Variants in FYB2 observed in about 807,000 individuals in gnomAD.
FYB2 encodes FYN-binding protein 2.
Under a neutral mutation model 94.1 loss-of-function variants are expected in FYB2, and 103 were observed. The observed-to-expected ratio is 1.09, with a 90% CI of 0.93 to 1.29. The LOEUF is 1.29. Ranked by LOEUF, FYB2 falls within the 50% of genes most tolerant of loss-of-function variation. FYB2 has a pLI of 0.00. For missense variants in FYB2, 896 were observed against 841.5 expected (o/e 1.06, Z -0.80); for synonymous variants, 293 against 287.9 (o/e 1.02, Z -0.18).
intron 6 of FYB2, among the ~76,000 whole-genome samples, chr1:56,758,185 T>A (rs1156711454): frequency 6.6e-6 from 1 of 152,000 alleles, no homozygotes; most frequent in Non-Finnish European, 1.5e-5. Context: ...CTTATTTTCA[T>A]TCTCACAAGG....
At chr1:56,793,535 T>C (rs1326512013) in intron 1 of FYB2, among the ~76,000 whole-genome samples, 8 of 151,952 alleles carry the variant, frequency 5.3e-5, no homozygotes, top group South Asian at 2.1e-4. Flanking sequence ...TGAGTACACA[T>C]GGACATAAAG....
rs968504193 is a variant in FYB2 at position 56,788,160 on chromosome 1, A to G, written c.919+813T>C. Among the ~76,000 whole-genome samples the G allele has an allele frequency of 4.6e-5, 7 of 152,202 alleles. No homozygotes were observed. The South Asian group carries it at 1.4e-3, about 32-fold the overall frequency. On this transcript the variant is annotated intron_variant, in intron 3 of 19. Coordinates refer to ENST00000343433, the MANE Select transcript of FYB2 (RefSeq NM_001004303.5). The stretch of plus-strand genomic sequence containing the variant: ...AAAGTCCTCTAGGTGATTCTGATGT[A>G]CACTCAAGTTTGAGAATCATGAAGT...
chr1:56,726,770 C>A (rs565602103), intron 15 of FYB2, among the ~76,000 whole-genome samples, 187 bp from the exon 16 acceptor site: 1 of 152,056 alleles, frequency 6.6e-6, no homozygotes, highest in Non-Finnish European at 1.5e-5. Context: ...ATCTCTATGG[C>A]AGCTCTTCAA....
intron 9 of FYB2, among the ~76,000 whole-genome samples, chr1:56,750,254 C>T (rs1645164201): frequency 6.6e-6 from 1 of 151,992 alleles, no homozygotes; most frequent in Non-Finnish European, 1.5e-5. Flanking sequence ...TATGCATTGA[C>T]AAATAGCCTT....
In FYB2 at chr1:56,746,222, G is replaced by A. The variant is rs117352325; in HGVS notation, c.1388-1956C>T. On this transcript the variant is annotated intron_variant, in intron 9 of 19. Transcript: ENST00000343433. ...ATACACCCCCATTTCCTAGAACAGTGCTGGGCACATAAAAAGTACTTAATA... is the reference window on the plus strand; with the variant it reads ...ATACACCCCCATTTCCTAGAACAGTACTGGGCACATAAAAAGTACTTAATA... 1.7e-4 allele frequency among the ~76,000 whole-genome samples: 26 copies of A among 152,094 alleles called. 1 individual carries two copies. The East Asian group carries it at 5.0e-3, about 29-fold the overall frequency.
intron 15 of FYB2, among the ~76,000 whole-genome samples, chr1:56,728,943 T>G (rs1416346383): frequency 6.6e-6 from 1 of 152,166 alleles, no homozygotes; most frequent in African/African-American, 2.4e-5. Flanking sequence ...AAATATTTGT[T>G]GAATGAATTG....
chr1:56,809,841 C>A lies in FYB2; in HGVS notation c.9+9441G>T, dbSNP rs141475345. On this transcript the variant is annotated intron_variant, in intron 1 of 19. Coordinates refer to ENST00000343433, the MANE Select transcript of FYB2 (RefSeq NM_001004303.5). The stretch of plus-strand genomic sequence containing the variant: ...CCTCTCCGAATTCTGACTCTTTCAC[C>A]TTTACAAAGCTATTTCACTTCTCTC... Among the ~76,000 whole-genome samples the A allele has an allele frequency of 9.4e-3, 1,428 of 152,280 alleles. 13 individuals are homozygous for A. Among genetic ancestry groups the A allele is most frequent in the Non-Finnish European group, 0.013 (858 of 68,030 alleles).
At chr1:56,743,701 A>G (rs1557600123) in intron 11 of FYB2, among the ~76,000 whole-genome samples, 1 of 152,040 alleles carries the variant, frequency 6.6e-6, no homozygotes, top group East Asian at 1.9e-4. Flanking sequence ...AGCCAATCTT[A>G]AAAGTATTGG....
At chr1:56,738,754 C>T (rs1406253469) in intron 13 of FYB2, 101 bp from the exon 14 acceptor site, 3 of 1,236,012 alleles carry the variant, frequency 2.4e-6, no homozygotes, top group East Asian at 2.4e-5. Flanking sequence ...GCTGGATTGC[C>T]CTTCTTGCCC....
intron 9 of FYB2, among the ~76,000 whole-genome samples, chr1:56,746,279 G>C (rs1645065366): frequency 6.6e-6 from 1 of 151,956 alleles, no homozygotes; most frequent in South Asian, 2.1e-4. Flanking sequence ...GAATGCATGT[G>C]TCTTCTCACT....
At chr1:56,811,242 TTC>T (rs1202123045) in intron 1 of FYB2, among the ~76,000 whole-genome samples, 1 of 152,314 alleles carries the variant, frequency 6.6e-6, no homozygotes, top group Admixed American at 6.5e-5. Context: ...CTATACGAGT[TTC>T]TCTCTCTCAG....
chr1:56,810,444 G>A (rs1339369931), intron 1 of FYB2, among the ~76,000 whole-genome samples: 2 of 151,646 alleles, frequency 1.3e-5, no homozygotes, highest in Admixed American at 6.6e-5. Flanking sequence ...CAGAACAAGG[G>A]GCATGGGACC....
intron 12 of FYB2, among the ~76,000 whole-genome samples, chr1:56,741,755 C>G (rs779121749): frequency 3.9e-5 from 6 of 152,018 alleles, no homozygotes; most frequent in Non-Finnish European, 7.4e-5. Context: ...GCCTTACTAA[C>G]TTACAGAGAC....
intron 2 of FYB2, among the ~76,000 whole-genome samples, chr1:56,791,358 C>T (rs971950692): frequency 6.6e-6 from 1 of 151,558 alleles, no homozygotes; most frequent in African/African-American, 2.4e-5. Flanking sequence ...CAGGTTCAAG[C>T]AATTCTTGTG....
At chr1:56,738,089 G>A (rs550012909) in intron 14 of FYB2, among the ~76,000 whole-genome samples, 5 of 152,176 alleles carry the variant, frequency 3.3e-5, no homozygotes, top group South Asian at 4.1e-4. Flanking sequence ...TGTACTGAAC[G>A]TGTATTGACA....
At chr1:56,752,039 CA>C (rs955373212) in intron 8 of FYB2, among the ~76,000 whole-genome samples, 4 of 151,052 alleles carry the variant, frequency 2.6e-5, no homozygotes, top group South Asian at 4.2e-4. Flanking sequence ...TAAATCAGCA[CA>C]AAAAAAAGGC....
At chr1:56,766,496 C>G (rs1195082244) in intron 5 of FYB2, among the ~76,000 whole-genome samples, 1 of 151,716 alleles carries the variant, frequency 6.6e-6, no homozygotes, top group African/African-American at 2.4e-5. Flanking sequence ...TGCAGTGGCG[C>G]GATCTCGGCT....
At chr1:56,797,824 C>T (rs902553289) in intron 1 of FYB2, among the ~76,000 whole-genome samples, 1 of 152,134 alleles carries the variant, frequency 6.6e-6, no homozygotes, top group Non-Finnish European at 1.5e-5. Context: ...ACACACTGGC[C>T]GATACAGCCT....
At chr1:56,734,022 C>A (rs1392433714) in intron 15 of FYB2, among the ~76,000 whole-genome samples, 1 of 152,094 alleles carries the variant, frequency 6.6e-6, no homozygotes, top group Non-Finnish European at 1.5e-5. Context: ...GTGTTAAAAT[C>A]TCCCATTATT....
Sources: allele counts gnomAD v4.1 joint callset (sites outside exome capture counted in the v4.1 genomes callset), GRCh38; gene constraint gnomAD v4.1.1; transcripts MANE v1.5; gene names NCBI Gene and HGNC (gene_info 2026-07-23, HGNC 2026-07-21).